Variants in SMC6 observed in about 807,000 individuals in gnomAD.
SMC6 encodes structural maintenance of chromosomes 6.
In SMC6, 79 loss-of-function variants were observed where a neutral mutation model predicts 142.2. That is an observed-to-expected ratio of 0.56 (90% CI 0.46 to 0.67). The LOEUF (loss-of-function observed/expected upper bound fraction) is 0.67. Among genes scored for constraint, SMC6 ranks in the 30% least tolerant of loss-of-function variants. The pLI is 0.00. For synonymous variants in SMC6, 411 were observed against 412.4 expected (o/e 1.00, Z 0.04); for missense variants, 1,072 against 1,284.0 (o/e 0.83, Z 2.52).
At chr2:17,685,726 A>T (rs1667426110) in intron 23 of SMC6, among the ~76,000 whole-genome samples, 1 of 152,168 alleles carries the variant, frequency 6.6e-6, no homozygotes, top group African/African-American at 2.4e-5. Flanking sequence ...CATAACCTAG[A>T]TGTAGAGAAA....
Position 17,739,821 on chromosome 2 carries a change from A to AACACAC in SMC6, c.239-1501_239-1496dup, listed in dbSNP as rs148768584. ...CGGAGAGAGAGATCCTTTCTCTTTA[A>AACACAC]ACACACACACACACACACACACAGA... On this transcript the variant is annotated intron_variant, in intron 4 of 27. Coordinates refer to ENST00000448223, the MANE Select transcript of SMC6 (RefSeq NM_001142286.2). Among the ~76,000 whole-genome samples the AACACAC allele has an allele frequency of 1.6e-3, 173 of 111,468 alleles. 1 individual carries two copies. The highest frequency in any genetic ancestry group is 2.0e-3 in the African/African-American group (50 of 24,696). 73.1% of individuals were successfully genotyped at this position (111,468 alleles called of 152,430 possible). A position where few individuals can be genotyped will look rare whatever the true frequency, so the allele number is the denominator to read the frequency against.
chr2:17,741,784 C>A, intron 3 of SMC6, 55 bp from the exon 4 acceptor site: 1 of 1,156,534 alleles, frequency 8.6e-7, no homozygotes, highest in South Asian at 1.5e-5. Flanking sequence ...TCATTATAAC[C>A]ATTCAAGCAT....
intron 26 of SMC6, 99 bp from the exon 27 acceptor site, chr2:17,666,616 C>T: frequency 1.2e-6 from 1 of 803,788 alleles, no homozygotes; most frequent in Non-Finnish European, 2.1e-6. Flanking sequence ...GATTTTCATC[C>T]AGGGATCAGT....
At chr2:17,737,807 T>C (rs1572353178) in intron 5 of SMC6, among the ~76,000 whole-genome samples, 1 of 152,224 alleles carries the variant, frequency 6.6e-6, no homozygotes, top group East Asian at 1.9e-4. Flanking sequence ...AAGACAGAAG[T>C]TTTGTGCAGG....
chr2:17,720,816 A>G (rs1294086706), intron 11 of SMC6, 124 bp downstream of exon 11: 3 of 791,794 alleles, frequency 3.8e-6, no homozygotes, highest in Non-Finnish European at 5.9e-6. Flanking sequence ...TCACCTAAGC[A>G]ATCAATTCAA....
At chr2:17,738,428 T>G (rs1160987346) in intron 4 of SMC6, 102 bp from the exon 5 acceptor site, 1 of 651,402 alleles carries the variant, frequency 1.5e-6, no homozygotes, top group Non-Finnish European at 2.4e-6. Context: ...AGACTCACTT[T>G]AAAATAAAAT....
intron 5 of SMC6, among the ~76,000 whole-genome samples, chr2:17,736,914 T>C (rs1296513279): frequency 6.6e-6 from 1 of 151,788 alleles, no homozygotes; most frequent in Non-Finnish European, 1.5e-5. Flanking sequence ...TAGTAAATAA[T>C]AATAATTAAA....
Position 17,665,469 on chromosome 2 carries a change from A to G in SMC6, c.*30T>C. On this transcript the variant is annotated 3_prime_UTR_variant, in exon 28 of 28. Coordinates refer to ENST00000448223, the MANE Select transcript of SMC6 (RefSeq NM_001142286.2). ...TTTTTTTCCCTTCACAAATCCTTCA[A>G]CATCAGGACAAGGCATGTTAAGTTA... 1 of 1,487,462 alleles carries G rather than the reference A, an allele frequency of 6.7e-7. No homozygotes were observed. Among genetic ancestry groups the G allele is most frequent in the Non-Finnish European group, 9.2e-7 (1 of 1,086,956 alleles). 92.1% of individuals were successfully genotyped at this position (1,487,462 alleles called of 1,614,324 possible).
intron 25 of SMC6, 119 bp downstream of exon 25, chr2:17,678,740 C>T (rs1667110855): frequency 3.0e-6 from 2 of 675,554 alleles, no homozygotes; most frequent in South Asian, 2.1e-5. Context: ...TGTACCACTG[C>T]ACTCCAGCCT....
intron 5 of SMC6, 41 bp from the exon 6 acceptor site, chr2:17,731,918 T>G (rs762119861): frequency 2.5e-6 from 4 of 1,585,708 alleles, no homozygotes; most frequent in Non-Finnish European, 3.4e-6. Context: ...GAAGATACAG[T>G]GTAATTACAA....
chr2:17,696,477 TA>T (rs1339354658), intron 21 of SMC6, 51 bp from the exon 22 acceptor site: 1 of 1,577,078 alleles, frequency 6.3e-7, no homozygotes, highest in East Asian at 2.2e-5. Flanking sequence ...ATTTCCAGCA[TA>T]GGTATAAAGA....
intron 23 of SMC6, among the ~76,000 whole-genome samples, chr2:17,686,375 G>C (rs1667453977): frequency 1.3e-5 from 2 of 152,068 alleles, no homozygotes; most frequent in African/African-American, 2.4e-5. Flanking sequence ...CCAGCTTCTT[G>C]GGAGGGTGAG....
intron 7 of SMC6, 79 bp from the exon 8 acceptor site, chr2:17,726,548 A>G: frequency 8.4e-7 from 1 of 1,192,004 alleles, no homozygotes; most frequent in Non-Finnish European, 1.2e-6. Context: ...CATACATTAC[A>G]AGTGACCTAT....
At chr2:17,741,533 GTCA>G (rs753937455) in intron 4 of SMC6, 76 bp downstream of exon 4, 9 of 801,222 alleles carry the variant, frequency 1.1e-5, no homozygotes, top group Non-Finnish European at 1.8e-5. Context: ...AGCACTAATA[GTCA>G]CCTATTTCAA....
chr2:17,689,392 AT>A (rs1667600360), intron 23 of SMC6, among the ~76,000 whole-genome samples: 1 of 152,226 alleles, frequency 6.6e-6, no homozygotes, highest in Non-Finnish European at 1.5e-5. Context: ...GACTACAGGT[AT>A]CAATGTTAAG....
chr2:17,727,505 T>TTATATATA (rs35081864), intron 7 of SMC6, among the ~76,000 whole-genome samples: 2 of 148,724 alleles, frequency 1.3e-5, no homozygotes, highest in African/African-American at 2.5e-5. Context: ...AAACTCCTCT[T>TTATATATA]TATATATATA....
At chr2:17,708,586 G>T in intron 17 of SMC6, 53 bp downstream of exon 17, 1 of 946,766 alleles carries the variant, frequency 1.1e-6, no homozygotes, top group South Asian at 2.7e-5. Context: ...ATTATCTTCA[G>T]TTTTAAAAAT....
chr2:17,742,586 A>G (rs1391686542), intron 3 of SMC6, among the ~76,000 whole-genome samples: 1 of 152,142 alleles, frequency 6.6e-6, no homozygotes, highest in Non-Finnish European at 1.5e-5. Flanking sequence ...AATTTTTTTG[A>G]AGACCATTTT....
chr2:17,707,141 TA>T, intron 18 of SMC6, 77 bp downstream of exon 18: 3 of 1,203,230 alleles, frequency 2.5e-6, no homozygotes, highest in Non-Finnish European at 3.3e-6. Flanking sequence ...AAACAACCAC[TA>T]AAAGAGTAAT....
Sources: gnomAD v4.1 joint callset for allele counts (sites outside exome capture counted in the v4.1 genomes callset) on GRCh38, gnomAD v4.1.1 for gene constraint, MANE v1.5 for transcripts, NCBI Gene and HGNC (gene_info 2026-07-23, HGNC 2026-07-21) for gene names.